Variants in FAM217A observed in about 807,000 individuals in gnomAD.
FAM217A encodes the protein family with sequence similarity 217 member A, also known as protein FAM217A.
A neutral mutation model predicts 18.5 loss-of-function variants in FAM217A; 13 were observed. The observed-to-expected ratio is 0.70, with a 90% CI of 0.46 to 1.12. The LOEUF (loss-of-function observed/expected upper bound fraction) is 1.12. Among genes scored for constraint, FAM217A ranks in the 50% most tolerant of loss-of-function variants. The pLI is 0.00. For missense variants in FAM217A, 560 were observed against 575.4 expected, an observed-to-expected ratio of 0.97 and a Z score of 0.27; for synonymous variants, 161 against 202.8, an observed-to-expected ratio of 0.79 and a Z score of 1.75.
At chr6:4,080,031 G>C (rs1352979405), upstream of FAM217A, among the ~76,000 whole-genome samples, 2 of 151,968 alleles carry the variant, frequency 1.3e-5, no homozygotes, top group Non-Finnish European at 2.9e-5. Context: ...TTGATATAGA[G>C]AAAAATTTAA....
chr6:4,086,626 T>C (rs1770683996), intron 1 of FAM217A, among the ~76,000 whole-genome samples: 1 of 152,176 alleles, frequency 6.6e-6, no homozygotes, highest in Non-Finnish European at 1.5e-5. Context: ...AGATTTGCCA[T>C]AGCATACTAG....
At chr6:4,079,519 C>CCT (rs771966768), upstream of FAM217A, 19 of 917,136 alleles carry the variant, frequency 2.1e-5, no homozygotes, top group East Asian at 2.9e-4. Context: ...CTTCCTTGAC[C>CCT]CTCCCCAGGC....
rs746076025 is a variant in FAM217A at position 4,069,864 on chromosome 6, C to G, written c.359G>C (p.Arg120Thr). The G allele has an allele frequency of 2.5e-6, 4 of 1,609,092 alleles. No individual in the cohort carries two copies. The highest frequency in any genetic ancestry group is 3.4e-5 in the Admixed American group (2 of 58,902). ...TGFNVINHPI[R>T]VFTLNHPLTI... ...TAATGGGTGGTTCAGAGTGAAGACC[C>G]TTATAGGATGATTGATTACATTAAA... Residue 120 changes from arginine (R) to threonine (T), a missense_variant, in exon 7 of 7, where the codon AGG becomes ACG. Transcript: ENST00000274673.
chr6:4,079,627 G>GCCTCCACCCT (rs1449393621), upstream of FAM217A: 54 of 1,059,894 alleles, frequency 5.1e-5, no homozygotes, highest in Non-Finnish European at 6.5e-5. Flanking sequence ...CGGCCCACCC[G>GCCTCCACCCT]CCTCCACCCT....
chr6:4,069,582 G>C lies in FAM217A; in HGVS notation c.641C>G (p.Thr214Ser). 1 of 1,614,058 alleles carries C rather than the reference G, an allele frequency of 6.2e-7. No homozygotes were observed. Among genetic ancestry groups the C allele is most frequent in the Non-Finnish European group, 8.5e-7 (1 of 1,179,994 alleles). Residue 214 changes from threonine to serine, a missense_variant, in exon 7 of 7, where the codon ACT (threonine) becomes AGT (serine). Transcript: ENST00000274673. ...DLSENEKTNDTLLSYFKKVDL... is the reference protein window; with the variant it reads ...DLSENEKTNDSLLSYFKKVDL... ...CACCTTTTTAAAATAGCTGAGTAAA[G>C]TATCATTTGTCTTCTCATTTTCTGA...
At chr6:4,077,218 C>A in intron 2 of FAM217A, 137 bp downstream of exon 2, 2 of 751,282 alleles carry the variant, frequency 2.7e-6, no homozygotes, top group East Asian at 2.5e-5. Context: ...TCCAAATGTG[C>A]CAAAAGGAAA....
upstream of FAM217A, chr6:4,079,429 C>T: frequency 3.0e-6 from 1 of 332,474 alleles, no homozygotes; most frequent in African/African-American, 2.3e-5. Context: ...AAAGCCTGAG[C>T]CTCCCGGGCC....
At chr6:4,087,304 C>G (rs1327164828), upstream of FAM217A, 1 of 1,233,182 alleles carries the variant, frequency 8.1e-7, no homozygotes, top group African/African-American at 1.6e-5. Context: ...AATGACTTGG[C>G]AGGATATTTT....
rs13203009 is a variant in FAM217A at position 4,079,016 on chromosome 6, C to T, written c.-199G>A. The T allele has an allele frequency of 4.8e-5, 22 of 456,888 alleles. 1 individual carries two copies. Among genetic ancestry groups the T allele is most frequent in the African/African-American group, 2.9e-4 (14 of 48,290 alleles). The allele number at this position is 456,888 out of a possible 1,614,324, so 28.3% of individuals were successfully genotyped here. ...GCGGCGGGCGGCTGGCGGCCTTGAG[C>T]GCAGCCCGGTCGGCAGTGCAGGGCC... On this transcript the variant is annotated 5_prime_UTR_variant, in exon 1 of 7. Transcript: ENST00000274673.
chr6:4,074,469 T>TA lies in FAM217A; in HGVS notation c.146-14dup, dbSNP rs746826445. The TA allele has an allele frequency of 9.5e-6, 15 of 1,587,216 alleles. No homozygotes were observed. Among genetic ancestry groups the TA allele is most frequent in the East Asian group, 2.2e-5 (1 of 44,638 alleles). ...TTGTTAATTTTGCCTGAAATGTGTA[T>TA]AAAAAATGACAATTAATAGTTACAT... On this transcript the variant is annotated splice_polypyrimidine_tract_variant and intron_variant, in intron 3 of 6. Coordinates refer to ENST00000274673, the MANE Select transcript of FAM217A (RefSeq NM_173563.3).
intron 1 of FAM217A, chr6:4,086,993 C>T (rs907717558): frequency 2.5e-6 from 1 of 398,914 alleles, no homozygotes; most frequent in Non-Finnish European, 4.4e-6. Flanking sequence ...TAAGGAGTAA[C>T]TAGTTTGGCT....
chr6:4,082,829 A>G (rs1770389165), upstream of FAM217A, among the ~76,000 whole-genome samples: 1 of 152,172 alleles, frequency 6.6e-6, no homozygotes, highest in African/African-American at 2.4e-5. Flanking sequence ...TGCTAAATAA[A>G]CGTGTATGCC....
At chr6:4,078,460 T>C (rs1221391422) in intron 1 of FAM217A, among the ~76,000 whole-genome samples, 1 of 152,116 alleles carries the variant, frequency 6.6e-6, no homozygotes, top group Non-Finnish European at 1.5e-5. Flanking sequence ...TTAGTTTAGG[T>C]AGGTTTTCAG....
upstream of FAM217A, chr6:4,087,086 T>C: frequency 2.5e-6 from 1 of 400,220 alleles, no homozygotes; most frequent in South Asian, 1.3e-4. Flanking sequence ...TGCACTGATG[T>C]AACCACTCTC....
Position 4,078,902 on chromosome 6 carries a change from C to A in FAM217A, c.-85G>T. On this transcript the variant is annotated 5_prime_UTR_variant, in exon 1 of 7. Transcript: ENST00000274673. The stretch of plus-strand genomic sequence containing the variant: ...CGGCGTGCTCTCCCGGTGCGCCGCC[C>A]CGAGGCCCGAGCGCCTCCGCGTGCG... 1.7e-6 allele frequency: 1 copy of A among 585,524 alleles called. No individual in the cohort carries two copies. The highest frequency in any genetic ancestry group is 2.9e-5 in the Admixed American group (1 of 34,452). 36.3% of individuals were successfully genotyped at this position (585,524 alleles called of 1,614,324 possible). A position where few individuals can be genotyped will look rare whatever the true frequency, so the allele number is the denominator to read the frequency against.
rs1207205403 is a variant in FAM217A at position 4,078,957 on chromosome 6, G to A, written c.-140C>T. On this transcript the variant is annotated 5_prime_UTR_variant, in exon 1 of 7. Transcript: ENST00000274673. ...TGACGGCTTGGAGGGCGCCCCCTCT[G>A]CCGCGGCCTTCCTGCAGCGGGGGGA... 3 of 534,762 alleles carry A rather than the reference G, an allele frequency of 5.6e-6. No homozygotes were observed. The highest frequency in any genetic ancestry group is 3.5e-5 in the East Asian group (1 of 28,844). The allele number at this position is 534,762 out of a possible 1,614,324, so 33.1% of individuals were successfully genotyped here. A position where few individuals can be genotyped will look rare whatever the true frequency, so the allele number is the denominator to read the frequency against.
At chr6:4,071,584 A>G (rs1411622079) in intron 6 of FAM217A, among the ~76,000 whole-genome samples, 1 of 152,124 alleles carries the variant, frequency 6.6e-6, no homozygotes, top group Non-Finnish European at 1.5e-5. Flanking sequence ...GCTGCATTCT[A>G]CCGCCTCCAT....
rs60309347 is a variant in FAM217A at position 4,086,446 on chromosome 6, CAAAAA to C, written c.18+559_18+563del. Among the ~76,000 whole-genome samples the C allele has an allele frequency of 3.7e-3, 286 of 76,880 alleles. 4 individuals carry two copies. The highest frequency in any genetic ancestry group is 0.011 in the African/African-American group (271 of 23,976). The allele number at this position is 76,880 out of a possible 152,430, so 50.4% of individuals were successfully genotyped here. A position where few individuals can be genotyped will look rare whatever the true frequency, so the allele number is the denominator to read the frequency against. On this transcript the variant is annotated intron_variant, in intron 1 of 8. Coordinates refer to the FAM217A transcript ENST00000639338. ...GGGCAACAAGAGCAAAACTCTGTCT[CAAAAA>C]AAAAAAAAAAAAAAAAAAAATCCAT...
chr6:4,070,530 A>G (rs926811596), intron 6 of FAM217A, among the ~76,000 whole-genome samples: 5 of 152,194 alleles, frequency 3.3e-5, no homozygotes, highest in African/African-American at 1.2e-4. Flanking sequence ...TGTTAAAATG[A>G]AAACTACAAA....
Sources: allele counts gnomAD v4.1 joint callset (sites outside exome capture counted in the v4.1 genomes callset), GRCh38; gene constraint gnomAD v4.1.1; transcripts MANE v1.5; gene names NCBI Gene and HGNC (gene_info 2026-07-23, HGNC 2026-07-21).